The following CDH18 variants were observed in gnomAD, a reference collection of about 807,000 sequenced individuals.
CDH18 encodes the protein cadherin-18.
CDH18 carries 31 observed loss-of-function variants against 67.9 expected under a neutral mutation model. That is an observed-to-expected ratio of 0.46 (90% CI 0.34 to 0.62). The LOEUF is 0.62. Among genes scored for constraint, CDH18 ranks in the 20% least tolerant of loss-of-function variants. The pLI is 0.01. For synonymous variants in CDH18, 362 were observed against 347.2 expected (o/e 1.04, Z -0.48); for missense variants, 890 against 975.5 (o/e 0.91, Z 1.17).
chr5:19,834,859 A>G (rs897905983), intron 3 of CDH18, among the ~76,000 whole-genome samples: 10 of 152,086 alleles, frequency 6.6e-5, no homozygotes, highest in African/African-American at 2.4e-4. Context: ...TCTGAGTTCT[A>G]ATTTGATTGC....
chr5:20,450,223 T>C (rs1331724346), intron 1 of CDH18, among the ~76,000 whole-genome samples: 4 of 152,122 alleles, frequency 2.6e-5, no homozygotes. Context: ...GGCACACGCC[T>C]GTAATCCCAG....
rs535801273 is a variant in CDH18 at position 19,997,098 on chromosome 5, G to C, written c.-517-5084C>G. ...ATTAAAAAATAATTACTTTCAATGA[G>C]TTGATAAAGCATTGTTGGGATAGGT... On this transcript the variant is annotated intron_variant, in intron 2 of 14. Coordinates refer to the CDH18 transcript ENST00000507958. Among the ~76,000 whole-genome samples the C allele has an allele frequency of 2.6e-5, 4 of 152,108 alleles. No individual in the cohort carries two copies. In the East Asian group the frequency reaches 7.7e-4, roughly 29 times the overall value.
chr5:20,312,164 A>G (rs2149991089), intron 1 of CDH18, among the ~76,000 whole-genome samples: 2 of 152,288 alleles, frequency 1.3e-5, no homozygotes, highest in Middle Eastern at 6.8e-3. Flanking sequence ...TAATAACAAA[A>G]TAGGAAACAA....
Position 19,809,936 on chromosome 5 carries a change from A to T in CDH18, c.228+28823T>A, listed in dbSNP as rs1052052495. 2.0e-5 allele frequency among the ~76,000 whole-genome samples: 3 copies of T among 152,222 alleles called. No individual in the cohort carries two copies. The East Asian group carries it at 5.8e-4, about 29-fold the overall frequency. On this transcript the variant is annotated intron_variant, in intron 3 of 12. Transcript: ENST00000382275. ...CTTCCAATAGTGAATAGACAAAGGA[A>T]ATATGAGAATGGGAACATCGAGCAC...
At position 20,086,083 on chromosome 5, in the gene CDH18, C is replaced by T. The variant is rs559725549; in HGVS notation, c.-517-94069G>A. Among the ~76,000 whole-genome samples, 4 of 152,256 alleles carry T rather than the reference C, an allele frequency of 2.6e-5. No individual in the cohort carries two copies. The South Asian group carries it at 8.3e-4, about 32-fold the overall frequency. ...AAAGGGCCTTGAAGGAAATTAAAAG[C>T]GCTACTCCATTGAACACATAAATGA... On this transcript the variant is annotated intron_variant, in intron 2 of 14. Transcript: ENST00000507958.
intron 5 of CDH18, among the ~76,000 whole-genome samples, chr5:19,622,055 A>G (rs1210944105): frequency 6.6e-6 from 1 of 152,122 alleles, no homozygotes; most frequent in Non-Finnish European, 1.5e-5. Context: ...CAGCTATGGG[A>G]TCCTGCTTCA....
chr5:19,635,298 C>A (rs761030622), intron 5 of CDH18, among the ~76,000 whole-genome samples: 2 of 152,034 alleles, frequency 1.3e-5, no homozygotes, highest in African/African-American at 4.8e-5. Flanking sequence ...CTACTGGGAA[C>A]CTTTTTGACA....
At chr5:19,820,483 T>G (rs1164946209) in intron 3 of CDH18, among the ~76,000 whole-genome samples, 1 of 152,064 alleles carries the variant, frequency 6.6e-6, no homozygotes, top group East Asian at 1.9e-4. Context: ...TCCTCCACCC[T>G]AGGCCCACCG....
chr5:20,291,623 A>G (rs1265321204), intron 1 of CDH18, among the ~76,000 whole-genome samples: 1 of 152,200 alleles, frequency 6.6e-6, no homozygotes, highest in Non-Finnish European at 1.5e-5. Flanking sequence ...CATGAACAGT[A>G]ACCAACATGA....
At chr5:19,509,022 G>A (rs1269916410) in intron 10 of CDH18, among the ~76,000 whole-genome samples, 1 of 151,780 alleles carries the variant, frequency 6.6e-6, no homozygotes, top group Non-Finnish European at 1.5e-5. Context: ...ACAGGTGTAA[G>A]CCACCATGCC....
At chr5:20,065,678 A>T (rs1742918904) in intron 2 of CDH18, among the ~76,000 whole-genome samples, 1 of 152,098 alleles carries the variant, frequency 6.6e-6, no homozygotes, top group Non-Finnish European at 1.5e-5. Context: ...AGCCTATTTT[A>T]TAATAAAGTG....
chr5:19,729,168 A>T (rs1350794812), intron 4 of CDH18, among the ~76,000 whole-genome samples: 1 of 151,524 alleles, frequency 6.6e-6, no homozygotes, highest in Non-Finnish European at 1.5e-5. Flanking sequence ...GTGAAATTTC[A>T]CATTCACATG....
intron 2 of CDH18, among the ~76,000 whole-genome samples, chr5:19,996,750 A>T (rs547036838): frequency 1.3e-5 from 2 of 152,034 alleles, no homozygotes; most frequent in African/African-American, 4.8e-5. Flanking sequence ...GTTATTGCTA[A>T]TTGGGAAATA....
rs114274524 is a variant in CDH18, at chr5:19,630,424, A to G, written c.644-17823T>C. ...GTAGCTTTGTATTCTTAATATTTCAACATTTCCTGAAGTTACAAATGGAAT... is the reference window on the plus strand; with the variant it reads ...GTAGCTTTGTATTCTTAATATTTCAGCATTTCCTGAAGTTACAAATGGAAT... On this transcript the variant is annotated intron_variant, in intron 5 of 12. Transcript: ENST00000382275. 5.3e-3 allele frequency among the ~76,000 whole-genome samples: 813 copies of G among 152,212 alleles called. 8 individuals carry two copies. The highest frequency in any genetic ancestry group is 0.019 in the African/African-American group (776 of 41,508).
chr5:19,871,217 A>G (rs1410049314), intron 2 of CDH18, among the ~76,000 whole-genome samples: 3 of 152,156 alleles, frequency 2.0e-5, no homozygotes, highest in African/African-American at 7.2e-5. Context: ...GAATGACAGC[A>G]TCCTTTTTGT....
chr5:19,876,731 CATGAAG>C (rs1410476347), intron 2 of CDH18, among the ~76,000 whole-genome samples: 2 of 152,012 alleles, frequency 1.3e-5, no homozygotes, highest in Non-Finnish European at 2.9e-5. Flanking sequence ...TTATGTAAAG[CATGAAG>C]ATTCAGTTAT....
chr5:20,095,349 A>C (rs1465959343), intron 2 of CDH18, among the ~76,000 whole-genome samples: 24 of 112,592 alleles, frequency 2.1e-4, no homozygotes, highest in South Asian at 6.1e-4. Flanking sequence ...GAAAGAAAGA[A>C]AGAAAGAAAG....
intron 1 of CDH18, among the ~76,000 whole-genome samples, chr5:20,514,266 G>A (rs1455685477): frequency 6.6e-6 from 1 of 151,444 alleles, no homozygotes; most frequent in African/African-American, 2.4e-5. Context: ...TTTTTAATTG[G>A]TGTCTGACAT....
chr5:20,400,502 TAC>T (rs1176383423), intron 1 of CDH18, among the ~76,000 whole-genome samples: 1 of 149,026 alleles, frequency 6.7e-6, no homozygotes, highest in Non-Finnish European at 1.5e-5. Context: ...AATAAATAAA[TAC>T]ATAAAAAGAA....
Sources: allele counts gnomAD v4.1 joint callset (sites outside exome capture counted in the v4.1 genomes callset), GRCh38; gene constraint gnomAD v4.1.1; transcripts MANE v1.5; gene names NCBI Gene and HGNC (gene_info 2026-07-23, HGNC 2026-07-21).